Variants in GMPR2 observed in about 807,000 individuals in gnomAD.
GMPR2 encodes guanosine monophosphate reductase 2.
In GMPR2, 32 loss-of-function variants were observed where a neutral mutation model predicts 38.5. The observed-to-expected ratio is 0.83, with a 90% CI of 0.63 to 1.12. The LOEUF (loss-of-function observed/expected upper bound fraction) is 1.12. GMPR2 is among the 50% of genes most tolerant of loss of function. GMPR2 has a pLI of 0.00. For synonymous variants in GMPR2, 154 were observed against 151.0 expected, an observed-to-expected ratio of 1.02 and a Z score of -0.15; for missense variants, 396 against 432.1, an observed-to-expected ratio of 0.92 and a Z score of 0.74.
At chr14:24,238,110 T>C in intron 8 of GMPR2, 136 bp from the exon 9 acceptor site, 1 of 747,408 alleles carries the variant, frequency 1.3e-6, no homozygotes, top group African/African-American at 1.8e-5. Context: ...GGATTGTGGG[T>C]CAGCTAGGGA....
intron 8 of GMPR2, 143 bp from the exon 9 acceptor site, chr14:24,238,103 T>C (rs1566684574): frequency 1.4e-6 from 1 of 704,500 alleles, no homozygotes; most frequent in Non-Finnish European, 2.4e-6. Flanking sequence ...CCTGCGTGGA[T>C]TGTGGGTCAG....
chr14:24,237,280 G>T lies in GMPR2; in HGVS notation c.583G>T (p.Gly195Trp). Residue 195 changes from glycine to tryptophan, a missense_variant, in exon 7 of 10, where the codon GGG becomes TGG. Gly to Trp is a radical substitution (Grantham distance 184). Transcript: ENST00000399440. ...VCTTRKKTGV[G>W]YPQLSAVMEC... ...TACTACTCGGAAGAAAACTGGAGTG[G>T]GGTATCCACAGCTCAGCGCAGTGAT... 6.2e-7 allele frequency: 1 copy of T among 1,612,104 alleles called. No homozygotes were observed. Among genetic ancestry groups the T allele is most frequent in the Non-Finnish European group, 8.5e-7 (1 of 1,178,162 alleles).
intron 1 of GMPR2, 52 bp from the exon 2 acceptor site, chr14:24,233,167 A>T: frequency 6.2e-7 from 1 of 1,610,750 alleles, no homozygotes; most frequent in Non-Finnish European, 8.5e-7. Context: ...CAGCCGTAAC[A>T]GGGCGTTAAA....
Position 24,238,314 on chromosome 14 carries a change from A to G in GMPR2, c.766A>G (p.Ile256Val). 6.2e-7 allele frequency: 1 copy of G among 1,614,052 alleles called. No homozygotes were observed. The highest frequency in any genetic ancestry group is 8.5e-7 in the Non-Finnish European group (1 of 1,179,914). The change falls in exon 9 of 10, where the codon ATC (isoleucine) becomes GTC (valine). Residue 256 changes from isoleucine to valine, a missense_variant. Coordinates refer to ENST00000399440, the MANE Select transcript of GMPR2 (RefSeq NM_001002002.3). ...AGHSESGGEL[I>V]ERDGKKYKLF... is the part of the protein sequence containing the mutation. ...GCACAGTGAGTCAGGTGGTGAGCTC[A>G]TCGAGAGGGATGGCAAGAAGTACAA... is the stretch of plus-strand genomic sequence containing the variant.
chr14:24,233,147 G>A, intron 1 of GMPR2, 72 bp from the exon 2 acceptor site: 2 of 1,605,390 alleles, frequency 1.2e-6, no homozygotes, highest in Non-Finnish European at 1.7e-6. Context: ...CTTAAGCGAA[G>A]AGAGGCCACC....
At position 24,233,858 on chromosome 14, in the gene GMPR2, C is replaced by T. The variant is rs193144134; in HGVS notation, c.207+260C>T. On this transcript the variant is annotated intron_variant, in intron 3 of 9. Transcript: ENST00000399440. ...GAATTTTCCCTTTTGTCCTGTTTAG[C>T]AGTTTGTACACCTTGCCAACTTTTC... 39 of 564,350 alleles carry T rather than the reference C, an allele frequency of 6.9e-5. No individual in the cohort carries two copies. In the East Asian group the frequency reaches 1.3e-3, roughly 19 times the overall value. The allele number at this position is 564,350 out of a possible 1,614,324, so 35.0% of individuals were successfully genotyped here.
chr14:24,236,544 A>G lies in GMPR2; in HGVS notation c.465+404A>G, dbSNP rs928886344. Among the ~76,000 whole-genome samples the G allele has an allele frequency of 2.0e-5, 3 of 152,204 alleles. No individual in the cohort carries two copies. The East Asian group carries it at 5.8e-4, about 29-fold the overall frequency. The stretch of plus-strand genomic sequence containing the variant: ...CTTCGCAGCATTGAGGGGTGTGTCT[A>G]CTGATCATCAAAAGCCAATCAACTG... On this transcript the variant is annotated intron_variant, in intron 5 of 9. Transcript: ENST00000399440.
intron 4 of GMPR2, 36 bp from the exon 5 acceptor site, chr14:24,235,931 A>T (rs2040320367): frequency 1.9e-6 from 3 of 1,609,084 alleles, no homozygotes; most frequent in Non-Finnish European, 2.6e-6. Flanking sequence ...CCACCAGATC[A>T]TCTCTGATAT....
chr14:24,233,802 G>A, intron 3 of GMPR2: 2 of 644,018 alleles, frequency 3.1e-6, no homozygotes, highest in South Asian at 1.8e-5. Flanking sequence ...TCAAAGCTAA[G>A]TTCTGCTCCG....
Position 24,233,561 on chromosome 14 carries a change from C to T in GMPR2, c.170C>T (p.Thr57Ile). ...GVPIIAANMDTVGTFEMAKVL... is the reference protein window; with the variant it reads ...GVPIIAANMDIVGTFEMAKVL... ...CCCATCATTGCTGCCAATATGGATA[C>T]TGTGGGCACCTTTGAGATGGCCAAG... The change falls in exon 3 of 10, where the codon ACT becomes ATT. Residue 57 changes from threonine (T) to isoleucine (I), a missense_variant. Transcript: ENST00000399440. 6 of 1,614,040 alleles carry T rather than the reference C, an allele frequency of 3.7e-6. No homozygotes were observed. The highest frequency in any genetic ancestry group is 5.1e-6 in the Non-Finnish European group (6 of 1,179,938).
At position 24,238,398 on chromosome 14, in the gene GMPR2, G is replaced by T. The variant is rs1348736139; in HGVS notation, c.850G>T (p.Glu284Ter). ...GAAGAAGTATGCTGGGGGCGTGGCT[G>T]AGTACAGGTATGTGTGGAGGCCCAG... Reference protein sequence around the residue: ...AMKKYAGGVAEYRASEGKTVE... With the variant: ...AMKKYAGGVA The change falls in exon 9 of 10, where the codon GAG (glutamate) becomes TAG (stop). Residue 284 changes from glutamate to a stop codon, truncating the protein, a stop_gained. Coordinates refer to ENST00000399440, the MANE Select transcript of GMPR2 (RefSeq NM_001002002.3). LOFTEE classifies it high-confidence loss of function. 116 of 1,613,986 alleles carry T rather than the reference G, an allele frequency of 7.2e-5. No homozygotes were observed. Among genetic ancestry groups the T allele is most frequent in the Non-Finnish European group, 9.7e-5 (114 of 1,180,036 alleles).
At position 24,239,038 on chromosome 14, in the gene GMPR2, A is replaced by G. The variant is rs780851775; in HGVS notation, c.*260A>G. 9 of 576,680 alleles carry G rather than the reference A, an allele frequency of 1.6e-5. No individual in the cohort carries two copies. Among genetic ancestry groups the G allele is most frequent in the South Asian group, 1.2e-4 (8 of 65,612 alleles). 35.7% of individuals were successfully genotyped at this position (576,680 alleles called of 1,614,324 possible). On this transcript the variant is annotated 3_prime_UTR_variant, in exon 10 of 10. Transcript: ENST00000399440. ...AATCAAATGGGAATCTGGGGACCCAACACAACATCCTGAAGATTATTAAAA... is the reference window on the plus strand; with the variant it reads ...AATCAAATGGGAATCTGGGGACCCAGCACAACATCCTGAAGATTATTAAAA...
chr14:24,238,470 G>A (rs747197088), intron 9 of GMPR2, 65 bp downstream of exon 9: 2 of 1,614,064 alleles, frequency 1.2e-6, no homozygotes, highest in East Asian at 2.2e-5. Flanking sequence ...GCTGAGAGGG[G>A]GATGGTACAG....
rs922934138 is a variant in GMPR2, at chr14:24,233,248, A to G, written c.-6A>G. 6 of 1,613,960 alleles carry G rather than the reference A, an allele frequency of 3.7e-6. No homozygotes were observed. The Admixed American group carries it at 5.0e-5, about 13-fold the overall frequency. On this transcript the variant is annotated 5_prime_UTR_variant, in exon 2 of 10. Coordinates refer to ENST00000399440, the MANE Select transcript of GMPR2 (RefSeq NM_001002002.3). ...CAGATTCATCGCTACCCCGAGGCTA[A>G]GCGCCATGCCTCATATTGACAACGA...
chr14:24,237,546 T>C lies in GMPR2; in HGVS notation c.681T>C (p.Asp227=). Reference sequence around the variant, plus strand: ...ATGGAGGTTGCAGCTGTCCTGGGGATGTGGCCAAGGCTTTTGGTAAGGAGC... The same window carrying C: ...ATGGAGGTTGCAGCTGTCCTGGGGACGTGGCCAAGGCTTTTGGTAAGGAGC... ...ISDGGCSCPG[D]VAKAFGAGAD... is the part of the protein sequence containing the mutation. Residue 227 remains aspartate (D), a synonymous_variant, in exon 8 of 10, where the codon GAT becomes GAC. Coordinates refer to ENST00000399440, the MANE Select transcript of GMPR2 (RefSeq NM_001002002.3). The C allele has an allele frequency of 6.2e-7, 1 of 1,614,012 alleles. No individual in the cohort carries two copies. Among genetic ancestry groups the C allele is most frequent in the East Asian group, 2.2e-5 (1 of 44,888 alleles).
At chr14:24,238,129 G>A in intron 8 of GMPR2, 117 bp from the exon 9 acceptor site, 2 of 921,222 alleles carry the variant, frequency 2.2e-6, no homozygotes, top group Non-Finnish European at 3.3e-6. Flanking sequence ...GAAGCAGAAG[G>A]AGGAAGACGC....
chr14:24,236,361 T>A (rs891005625), intron 5 of GMPR2, among the ~76,000 whole-genome samples: 3 of 152,124 alleles, frequency 2.0e-5, no homozygotes. Context: ...ATGTCCCTGA[T>A]GTCACTCACC....
chr14:24,237,699 A>G (rs1043238801), intron 8 of GMPR2, 137 bp downstream of exon 8: 1 of 812,616 alleles, frequency 1.2e-6, no homozygotes, highest in Non-Finnish European at 2.0e-6. Flanking sequence ...TCCGAAGTCT[A>G]TGGTATCATC....
chr14:24,233,307 G>A lies in GMPR2; in HGVS notation c.54G>A (p.Arg18=), dbSNP rs1489026569. 1.2e-5 allele frequency: 20 copies of A among 1,614,082 alleles called. No individual in the cohort carries two copies. The highest frequency in any genetic ancestry group is 1.7e-5 in the Non-Finnish European group (20 of 1,180,006). The change falls in exon 2 of 10, where the codon AGG becomes AGA. Residue 18 remains arginine, a synonymous_variant. Transcript: ENST00000399440. ...TGGACTTCAAGGATGTCCTTTTGAG[G>A]CCCAAACGCAGTACCCTTAAGTCTC... ...VKLDFKDVLL[R]PKRSTLKSRS...
Sources: allele counts gnomAD v4.1 joint callset (sites outside exome capture counted in the v4.1 genomes callset), GRCh38; gene constraint gnomAD v4.1.1; transcripts MANE v1.5; gene names NCBI Gene and HGNC (gene_info 2026-07-23, HGNC 2026-07-21).